Variants in NLRP6 observed in about 807,000 individuals in gnomAD.
The protein encoded by NLRP6 is NACHT, LRR and PYD domains-containing protein 6.
Under a neutral mutation model 70.9 loss-of-function variants are expected in NLRP6, and 55 were observed. That is an observed-to-expected ratio of 0.78 (90% CI 0.62 to 0.97). The LOEUF is 0.97. NLRP6 is among the 50% of genes least tolerant of loss of function. The pLI, the probability that NLRP6 is intolerant of heterozygous loss-of-function variation, is 0.00. For synonymous variants in NLRP6, 652 were observed against 581.9 expected, an observed-to-expected ratio of 1.12 and a Z score of -1.73; for missense variants, 1,241 against 1,238.3, an observed-to-expected ratio of 1.00 and a Z score of -0.03.
At position 283,407 on chromosome 11, in the gene NLRP6, G is replaced by A. The variant is rs182608158; in HGVS notation, c.2198+610G>A. Among the ~76,000 whole-genome samples the A allele has an allele frequency of 2.9e-3, 419 of 145,492 alleles. 4 individuals are homozygous for A. The highest frequency in any genetic ancestry group is 0.01 in the African/African-American group (404 of 39,368). ...CAGCTCACTGCAAGCTCCGCCTCCCGGGTTCACGCCATTCTCCTGCCTCAG... is the reference window on the plus strand; with the variant it reads ...CAGCTCACTGCAAGCTCCGCCTCCCAGGTTCACGCCATTCTCCTGCCTCAG... On this transcript the variant is annotated intron_variant, in intron 5 of 7. Coordinates refer to ENST00000534750, the MANE Select transcript of NLRP6 (RefSeq NM_001276700.2).
At position 281,491 on chromosome 11, in the gene NLRP6, G is replaced by A; in HGVS notation, c.1757G>A (p.Cys586Tyr). 1.3e-6 allele frequency: 2 copies of A among 1,597,594 alleles called. No individual in the cohort carries two copies. The highest frequency in any genetic ancestry group is 4.5e-5 in the East Asian group (2 of 44,656). ...TGGGTGCAGGGACAGGGACAGGGCT[G>A]CCCCGGAGTGGCACCAGAGGTGACC... ...LRWVQGQGQGCPGVAPEVTEG... is the reference protein window; with the variant it reads ...LRWVQGQGQGYPGVAPEVTEG... Residue 586 changes from cysteine (C) to tyrosine (Y), a missense_variant, in exon 4 of 8, where the codon TGC becomes TAC. Transcript: ENST00000534750.
chr11:279,685 G>C, intron 2 of NLRP6, 78 bp downstream of exon 2: 1 of 1,357,270 alleles, frequency 7.4e-7, no homozygotes, highest in Non-Finnish European at 9.5e-7. Context: ...GAGAAGCCCC[G>C]GCGCGGTCCC....
Position 281,563 on chromosome 11 carries a change from AGGAG to A in NLRP6, c.1834_1837del (p.Gly612ArgfsTer47), listed in dbSNP as rs750539792. 47 of 1,611,024 alleles carry A rather than the reference AGGAG, an allele frequency of 2.9e-5. No homozygotes were observed. The highest frequency in any genetic ancestry group is 3.6e-5 in the Non-Finnish European group (43 of 1,178,838). On this transcript the variant is annotated frameshift_variant, in exon 4 of 8. Coordinates refer to ENST00000534750, the MANE Select transcript of NLRP6 (RefSeq NM_001276700.2). LOFTEE classifies it high-confidence loss of function. ...GACACCGAAGAGCCAGAGGAGGAGG[AGGAG>A]GGAGAGGAGCCCAACTACCCACTGG...
Position 281,517 on chromosome 11 carries a change from G to A in NLRP6, c.1783G>A (p.Glu595Lys). The A allele has an allele frequency of 1.9e-6, 3 of 1,606,872 alleles. No individual in the cohort carries two copies. Among genetic ancestry groups the A allele is most frequent in the Admixed American group, 1.7e-5 (1 of 59,710 alleles). Residue 595 changes from glutamate to lysine, a missense_variant, in exon 4 of 8, where the codon GAG becomes AAG. Transcript: ENST00000534750. ...GCPGVAPEVT[E>K]GAKGLEDTEE... The stretch of plus-strand genomic sequence containing the variant: ...CCCCGGAGTGGCACCAGAGGTGACC[G>A]AGGGGGCCAAAGGGCTCGAGGACAC...
At chr11:282,860 A>AT in intron 5 of NLRP6, 63 bp downstream of exon 5, 1 of 1,200,264 alleles carries the variant, frequency 8.3e-7, no homozygotes, top group Non-Finnish European at 1.2e-6. Flanking sequence ...CCCTGGGCAG[A>AT]GACGGAAGTA....
intron 5 of NLRP6, among the ~76,000 whole-genome samples, chr11:283,815 C>T (rs1042965054): frequency 6.6e-6 from 1 of 151,652 alleles, no homozygotes; most frequent in Admixed American, 6.6e-5. Flanking sequence ...AAAAGGTGAT[C>T]ACATTTGGCC....
At position 280,075 on chromosome 11, in the gene NLRP6, T is replaced by G; in HGVS notation, c.350-9T>G. 1.4e-6 allele frequency: 2 copies of G among 1,470,414 alleles called. No homozygotes were observed. Among genetic ancestry groups the G allele is most frequent in the Non-Finnish European group, 9.0e-7 (1 of 1,111,364 alleles). The allele number at this position is 1,470,414 out of a possible 1,614,324, so 91.1% of individuals were successfully genotyped here. On this transcript the variant is annotated splice_polypyrimidine_tract_variant and intron_variant, in intron 3 of 7. Transcript: ENST00000534750. The stretch of plus-strand genomic sequence containing the variant: ...CCCTTGTCCCCGCGCTGTCTCCCGC[T>G]GCGCCCAGAGTACAAGAAGAAGTAC...
Position 281,477 on chromosome 11 carries a change from A to G in NLRP6, c.1743A>G (p.Gly581=), listed in dbSNP as rs777191686. ...VKQEALRWVQ[G]QGQGCPGVAP... is the part of the protein sequence containing the mutation. ...AGGAGGCCCTGCGGTGGGTGCAGGG[A>G]CAGGGACAGGGCTGCCCCGGAGTGG... The change falls in exon 4 of 8, where the codon GGA becomes GGG. Residue 581 remains glycine (G), a synonymous_variant. Coordinates refer to ENST00000534750, the MANE Select transcript of NLRP6 (RefSeq NM_001276700.2). The G allele has an allele frequency of 1.9e-5, 31 of 1,597,640 alleles. No individual in the cohort carries two copies. Among genetic ancestry groups the G allele is most frequent in the Non-Finnish European group, 2.6e-5 (30 of 1,170,828 alleles).
At position 280,404 on chromosome 11, in the gene NLRP6, C is replaced by G. The variant is rs1458809735; in HGVS notation, c.670C>G (p.Leu224Val). The part of the protein sequence containing the change: ...KILYDWAAGK[L>V]YQGQVDFAFF... ...CCTGTACGACTGGGCGGCGGGCAAG[C>G]TGTACCAGGGCCAGGTGGACTTCGC... is the stretch of plus-strand genomic sequence containing the variant. The change falls in exon 4 of 8, where the codon CTG becomes GTG. Residue 224 changes from leucine to valine, a missense_variant. Leu to Val is a conservative substitution (Grantham distance 32). Transcript: ENST00000534750. 3 of 1,579,526 alleles carry G rather than the reference C, an allele frequency of 1.9e-6. No homozygotes were observed. The African/African-American group carries it at 4.1e-5, about 21-fold the overall frequency.
At chr11:284,665 T>C in intron 7 of NLRP6, 23 bp downstream of exon 7, 1 of 1,584,374 alleles carries the variant, frequency 6.3e-7, no homozygotes, top group Non-Finnish European at 8.6e-7. Flanking sequence ...GTGGGAAGGG[T>C]GCTGGGGACA....
Position 279,818 on chromosome 11 carries a change from CCA to C in NLRP6, c.311-15_311-14del. 6.3e-7 allele frequency: 1 copy of C among 1,586,028 alleles called. No homozygotes were observed. The highest frequency in any genetic ancestry group is 8.6e-7 in the Non-Finnish European group (1 of 1,168,968). ...TTCCCGCCCTCGGCGGAACCTCACC[CCA>C]GTTTCCCTTCCAGGGCTCGGGCTCG... On this transcript the variant is annotated splice_polypyrimidine_tract_variant and intron_variant, in intron 2 of 7. Coordinates refer to ENST00000534750, the MANE Select transcript of NLRP6 (RefSeq NM_001276700.2).
intron 5 of NLRP6, 76 bp from the exon 6 acceptor site, chr11:284,154 C>CG: frequency 7.4e-7 from 1 of 1,354,656 alleles, no homozygotes; most frequent in South Asian, 1.2e-5. Context: ...CACCGGGCAG[C>CG]GGGCATTTTG....
chr11:281,592 G>C lies in NLRP6; in HGVS notation c.1858G>C (p.Glu620Gln), dbSNP rs1173787294. 6.2e-7 allele frequency: 1 copy of C among 1,611,708 alleles called. No individual in the cohort carries two copies. Among genetic ancestry groups the C allele is most frequent in the South Asian group, 1.1e-5 (1 of 90,828 alleles). ...EEGEEPNYPL[E>Q]LLYCLYETQE... is the part of the protein sequence containing the mutation. The stretch of plus-strand genomic sequence containing the variant: ...GGGAGAGGAGCCCAACTACCCACTG[G>C]AGTTGCTGTACTGCCTGTACGAGAC... Residue 620 changes from glutamate to glutamine, a missense_variant, in exon 4 of 8, where the codon GAG becomes CAG. By Grantham distance (29) the Glu-to-Gln change is conservative. Transcript: ENST00000534750.
chr11:281,893 CA>C (rs1845486391), intron 4 of NLRP6, 54 bp downstream of exon 4: 23 of 1,471,812 alleles, frequency 1.6e-5, no homozygotes, highest in Non-Finnish European at 2.1e-5. Flanking sequence ...TGTGCCGGTG[CA>C]AACCTGTGCA....
chr11:284,947 C>A (rs1177604890), intron 7 of NLRP6, among the ~76,000 whole-genome samples: 1 of 152,202 alleles, frequency 6.6e-6, no homozygotes, highest in Non-Finnish European at 1.5e-5. Flanking sequence ...GGCCTCTGCC[C>A]CCTCCCCCAG....
In NLRP6 at chr11:285,155, T is replaced by C; in HGVS notation, c.2538-11T>C. On this transcript the variant is annotated splice_polypyrimidine_tract_variant and intron_variant, in intron 7 of 7. Coordinates refer to ENST00000534750, the MANE Select transcript of NLRP6 (RefSeq NM_001276700.2). ...CCGCTGACCCCGCTTCTGCTCTGCG[T>C]GTGGCTGCAGTCTGGCCTCTGTGGA... is the stretch of plus-strand genomic sequence containing the variant. The C allele has an allele frequency of 6.3e-7, 1 of 1,577,016 alleles. No individual in the cohort carries two copies. Among genetic ancestry groups the C allele is most frequent in the South Asian group, 1.2e-5 (1 of 86,586 alleles).
intron 5 of NLRP6, among the ~76,000 whole-genome samples, chr11:283,678 A>C (rs1013719332): frequency 6.6e-5 from 10 of 152,148 alleles, no homozygotes; most frequent in Non-Finnish European, 1.3e-4. Flanking sequence ...GTGAGCAGAA[A>C]GGAAGAGGAA....
rs1845455347 is a variant in NLRP6 at position 280,514 on chromosome 11, C to T, written c.780C>T (p.Arg260=). ...TGATCCTGGACCAGTGCCCCGACCG[C>T]GGCGCGCCGGTGCCGCAGATGCTGG... The part of the protein sequence containing the change: ...ADLILDQCPD[R]GAPVPQMLAQ... Residue 260 remains arginine (R), a synonymous_variant, in exon 4 of 8, where the codon CGC becomes CGT. Transcript: ENST00000534750. The T allele has an allele frequency of 6.4e-7, 1 of 1,571,530 alleles. No individual in the cohort carries two copies.
chr11:284,537 C>T lies in NLRP6; in HGVS notation c.2432C>T (p.Pro811Leu), dbSNP rs763317575. 2.6e-5 allele frequency: 42 copies of T among 1,612,884 alleles called. 1 individual carries two copies. Among genetic ancestry groups the T allele is most frequent in the South Asian group, 6.6e-5 (6 of 91,088 alleles). The part of the protein sequence containing the change: ...QYLVGMLRQS[P>L]ALTTLDLSGC... ...CTGGTGGGTATGCTTCGGCAGAGCC[C>T]TGCCCTGACCACCCTGGATCTCAGC... The change falls in exon 7 of 8, where the codon CCT (proline) becomes CTT (leucine). Residue 811 changes from proline (P) to leucine (L), a missense_variant. Pro to Leu is a moderately conservative substitution (Grantham distance 98). Coordinates refer to ENST00000534750, the MANE Select transcript of NLRP6 (RefSeq NM_001276700.2).
Sources: allele counts gnomAD v4.1 joint callset (sites outside exome capture counted in the v4.1 genomes callset), GRCh38; gene constraint gnomAD v4.1.1; transcripts MANE v1.5; gene names NCBI Gene and HGNC (gene_info 2026-07-23, HGNC 2026-07-21).